IMMP2L: variants seen among roughly 807,000 people sequenced by gnomAD.
IMMP2L encodes inner mitochondrial membrane peptidase subunit 2, also known as mitochondrial inner membrane protease subunit 2.
IMMP2L carries 18 observed loss-of-function variants against 19.3 expected under a neutral mutation model. That is an observed-to-expected ratio of 0.93 (90% CI 0.64 to 1.38). IMMP2L has a LOEUF of 1.38. IMMP2L is among the 40% of genes most tolerant of loss of function. The probability of loss-of-function intolerance (pLI) is 0.00; values close to 1 mark genes in which losing one functional copy is unlikely to be tolerated. For synonymous variants in IMMP2L, 76 were observed against 73.0 expected, an observed-to-expected ratio of 1.04 and a Z score of -0.21; for missense variants, 233 against 218.2, an observed-to-expected ratio of 1.07 and a Z score of -0.43.
Position 110,912,631 on chromosome 7 carries a change from T to C in IMMP2L, c.306-25936A>G, listed in dbSNP as rs1296773173. Among the ~76,000 whole-genome samples the C allele has an allele frequency of 2.6e-5, 4 of 152,128 alleles. No homozygotes were observed. In the South Asian group the frequency reaches 6.2e-4, roughly 24 times the overall value. On this transcript the variant is annotated intron_variant, in intron 4 of 5. Coordinates refer to ENST00000405709, the MANE Select transcript of IMMP2L (RefSeq NM_032549.4). ...TGGGGGTAGGATAATGGGGCAATTT[T>C]ACAAAGAAAAGCCCTGATCTTTATA...
chr7:111,112,603 CT>C (rs538424328), intron 3 of IMMP2L, among the ~76,000 whole-genome samples: 7 of 152,098 alleles, frequency 4.6e-5, no homozygotes, highest in Non-Finnish European at 7.4e-5. Flanking sequence ...ATTTTTAAAA[CT>C]TTTTTGTATC....
At chr7:110,696,590 C>A (rs1420531692) in intron 5 of IMMP2L, among the ~76,000 whole-genome samples, 1 of 151,972 alleles carries the variant, frequency 6.6e-6, no homozygotes, top group Non-Finnish European at 1.5e-5. Flanking sequence ...CCATGCCCGG[C>A]TGATTTTTGT....
intron 3 of IMMP2L, among the ~76,000 whole-genome samples, chr7:111,275,391 G>T (rs1398065761): frequency 6.6e-6 from 1 of 152,170 alleles, no homozygotes; most frequent in Non-Finnish European, 1.5e-5. Context: ...TAATGGTTTT[G>T]AACCAGAATT....
chr7:111,393,422 C>T (rs368783288), intron 3 of IMMP2L, among the ~76,000 whole-genome samples: 4 of 152,110 alleles, frequency 2.6e-5, no homozygotes, highest in Admixed American at 1.3e-4. Flanking sequence ...TTCTCTTTCC[C>T]TTCCTTCCTC....
intron 1 of IMMP2L, among the ~76,000 whole-genome samples, chr7:111,535,690 T>C (rs1309491144): frequency 2.6e-5 from 4 of 151,972 alleles, no homozygotes; most frequent in African/African-American, 7.3e-5. Flanking sequence ...GGGTGGGGAA[T>C]GCAAACAGTG....
At chr7:111,344,426 A>G (rs1238104412) in intron 3 of IMMP2L, among the ~76,000 whole-genome samples, 2 of 152,118 alleles carry the variant, frequency 1.3e-5, no homozygotes, top group Non-Finnish European at 2.9e-5. Context: ...CTTGGACACC[A>G]TATCTAAACT....
chr7:111,197,395 GGAGCTTGCAGT>G (rs1809624270), intron 3 of IMMP2L, among the ~76,000 whole-genome samples: 1 of 152,048 alleles, frequency 6.6e-6, no homozygotes, highest in African/African-American at 2.4e-5. Context: ...CCCAGGAGGC[GGAGCTTGCAGT>G]GAGCTGAGAT....
At chr7:110,812,752 T>A (rs1289722317) in intron 5 of IMMP2L, among the ~76,000 whole-genome samples, 1 of 152,034 alleles carries the variant, frequency 6.6e-6, no homozygotes, top group Non-Finnish European at 1.5e-5. Context: ...TAATGAGAAC[T>A]CATAATGAGA....
intron 5 of IMMP2L, among the ~76,000 whole-genome samples, chr7:110,785,423 C>G (rs1022468578): frequency 9.9e-5 from 15 of 151,738 alleles, no homozygotes; most frequent in African/African-American, 3.4e-4. Flanking sequence ...ATGTTCTCAC[C>G]CTCTAGGATG....
intron 3 of IMMP2L, among the ~76,000 whole-genome samples, chr7:111,129,562 T>A (rs1018424707): frequency 8.5e-5 from 13 of 152,122 alleles, no homozygotes; most frequent in Non-Finnish European, 1.8e-4. Flanking sequence ...CTTCTATATA[T>A]CATTTTACCC....
At chr7:110,921,273 T>C (rs1265283829) in intron 4 of IMMP2L, among the ~76,000 whole-genome samples, 3 of 152,174 alleles carry the variant, frequency 2.0e-5, no homozygotes, top group Non-Finnish European at 4.4e-5. Flanking sequence ...CTGAAGGTGG[T>C]TCCTTACCTT....
chr7:110,663,777 T>C, intron 5 of IMMP2L, 56 bp from the exon 6 acceptor site: 2 of 1,234,518 alleles, frequency 1.6e-6, no homozygotes, highest in Non-Finnish European at 2.2e-6. Context: ...ATAAGAATCA[T>C]TATTAATAGC....
intron 4 of IMMP2L, among the ~76,000 whole-genome samples, chr7:110,947,475 G>A (rs532930730): frequency 5.3e-5 from 8 of 152,154 alleles, no homozygotes; most frequent in South Asian, 4.2e-4. Flanking sequence ...CTCAAAAGAC[G>A]GCCCCAGAAA....
chr7:110,942,514 T>C (rs1304736601), intron 4 of IMMP2L, among the ~76,000 whole-genome samples: 3 of 151,950 alleles, frequency 2.0e-5, no homozygotes, highest in Admixed American at 1.3e-4. Context: ...TGATTTTTTC[T>C]CCCTTGAAAT....
At chr7:111,354,625 G>C in intron 3 of IMMP2L, among the ~76,000 whole-genome samples, 1 of 151,330 alleles carries the variant, frequency 6.6e-6, no homozygotes, top group East Asian at 1.9e-4. Context: ...TGAATAATAT[G>C]ACTACCTAGA....
At chr7:111,063,208 C>A (rs1162561136) in intron 3 of IMMP2L, among the ~76,000 whole-genome samples, 3 of 152,216 alleles carry the variant, frequency 2.0e-5, no homozygotes, top group Non-Finnish European at 2.9e-5. Context: ...TATGCACCTG[C>A]AGGCTCAAAA....
intron 2 of IMMP2L, among the ~76,000 whole-genome samples, chr7:111,500,400 A>C (rs1377967913): frequency 6.6e-6 from 1 of 152,174 alleles, no homozygotes. Context: ...ACAAACAAAA[A>C]GACAGCAGTA....
intron 5 of IMMP2L, among the ~76,000 whole-genome samples, chr7:110,722,409 A>G (rs1243466139): frequency 6.6e-6 from 1 of 152,108 alleles, no homozygotes; most frequent in East Asian, 1.9e-4. Flanking sequence ...GGAAGTTAAA[A>G]AAGTTGCCAG....
At chr7:111,555,148 A>G (rs12705775) in intron 1 of IMMP2L, among the ~76,000 whole-genome samples, 118,587 of 152,074 alleles carry the variant, frequency 0.78, 47,887 homozygotes, top group East Asian at 0.97. Context: ...ATATTAATAC[A>G]TGTTGGCTAT....
Sources: gnomAD v4.1 joint callset for allele counts (sites outside exome capture counted in the v4.1 genomes callset) on GRCh38, gnomAD v4.1.1 for gene constraint, MANE v1.5 for transcripts, NCBI Gene and HGNC (gene_info 2026-07-23, HGNC 2026-07-21) for gene names.